The following FGF14 variants were observed in gnomAD, a reference collection of about 807,000 sequenced individuals.
FGF14 encodes fibroblast growth factor homologous factor 4.
In FGF14, 5 loss-of-function variants were observed where a neutral mutation model predicts 25.5. The observed-to-expected ratio is 0.20, with a 90% CI of 0.10 to 0.41. FGF14 has a LOEUF of 0.41. FGF14 is among the 10% of genes least tolerant of loss of function. FGF14 has a pLI of 1.00. For missense variants in FGF14, 222 were observed against 320.1 expected, an observed-to-expected ratio of 0.69 and a Z score of 2.34; for synonymous variants, 138 against 118.3, an observed-to-expected ratio of 1.17 and a Z score of -1.08.
rs566495170 is a variant in FGF14 at position 101,720,905 on chromosome 13, A to G, written c.*1926T>C. 11 of 152,310 alleles carry G rather than the reference A, an allele frequency of 7.2e-5. No individual in the cohort carries two copies. The highest frequency in any genetic ancestry group is 2.2e-4 in the African/African-American group (9 of 41,576). 9.4% of individuals were successfully genotyped at this position (152,310 alleles called of 1,614,324 possible). A position where few individuals can be genotyped will look rare whatever the true frequency, so the allele number is the denominator to read the frequency against. On this transcript the variant is annotated 3_prime_UTR_variant, in exon 5 of 5. Coordinates refer to ENST00000376143, the MANE Select transcript of FGF14 (RefSeq NM_004115.4). ...GTAGAATCCAATATGAAAATGAAAT[A>G]AGCATAAACAAACAGTTAAATTTCT...
intron 1 of FGF14, among the ~76,000 whole-genome samples, chr13:102,148,435 A>G (rs546787911): frequency 6.6e-6 from 1 of 152,294 alleles, no homozygotes; most frequent in Non-Finnish European, 1.5e-5. Context: ...TCATCACATC[A>G]TATAGAGTGA....
At chr13:102,249,877 T>C (rs1450667446) in intron 1 of FGF14, among the ~76,000 whole-genome samples, 2 of 152,098 alleles carry the variant, frequency 1.3e-5, no homozygotes, top group African/African-American at 2.4e-5. Context: ...TCATGAGAAA[T>C]CTCTCATGGA....
chr13:102,068,743 C>G (rs1460870868), intron 1 of FGF14, among the ~76,000 whole-genome samples: 2 of 152,218 alleles, frequency 1.3e-5, no homozygotes, highest in African/African-American at 2.4e-5. Flanking sequence ...GCCTGCCATG[C>G]CTGAGCCTCC....
At chr13:102,200,141 A>G (rs2049548764) in intron 1 of FGF14, among the ~76,000 whole-genome samples, 1 of 152,206 alleles carries the variant, frequency 6.6e-6, no homozygotes, top group Non-Finnish European at 1.5e-5. Context: ...GTGAACACAC[A>G]CACACATATA....
chr13:101,840,790 C>G (rs1393866104), intron 3 of FGF14, among the ~76,000 whole-genome samples: 3 of 151,902 alleles, frequency 2.0e-5, no homozygotes, highest in Non-Finnish European at 4.4e-5. Flanking sequence ...ACTATTCAAA[C>G]CTATTTATAT....
intron 3 of FGF14, among the ~76,000 whole-genome samples, chr13:101,824,336 C>T (rs116164870): frequency 0.014 from 2,089 of 152,128 alleles, 44 homozygotes; most frequent in African/African-American, 0.048. Flanking sequence ...TGTGTGTGCG[C>T]GCGTGCACGC....
chr13:101,874,585 A>G (rs562509393), intron 2 of FGF14, among the ~76,000 whole-genome samples: 1 of 152,160 alleles, frequency 6.6e-6, no homozygotes, highest in Non-Finnish European at 1.5e-5. Flanking sequence ...AAGAACACAG[A>G]CATTTATACA....
chr13:102,125,675 T>C (rs7339421), intron 1 of FGF14, among the ~76,000 whole-genome samples: 55,100 of 152,020 alleles, frequency 0.36, 11,047 homozygotes, highest in East Asian at 0.83. Flanking sequence ...GACAAAGAAG[T>C]AAGCACTTGA....
intron 1 of FGF14, among the ~76,000 whole-genome samples, chr13:101,893,720 C>G (rs187494185): frequency 6.6e-6 from 1 of 152,154 alleles, no homozygotes; most frequent in Non-Finnish European, 1.5e-5. Flanking sequence ...GAAATGGATT[C>G]TTTTCTACAG....
At chr13:101,830,772 C>A (rs2042632452) in intron 3 of FGF14, among the ~76,000 whole-genome samples, 2 of 152,226 alleles carry the variant, frequency 1.3e-5, no homozygotes, top group East Asian at 3.9e-4. Flanking sequence ...AAGGGTCTCA[C>A]TGGCTAAAAT....
At chr13:101,785,804 ATTAAG>A (rs1221645055) in intron 3 of FGF14, among the ~76,000 whole-genome samples, 1 of 152,114 alleles carries the variant, frequency 6.6e-6, no homozygotes, top group African/African-American at 2.4e-5. Flanking sequence ...TGTATTGAAG[ATTAAG>A]TTAATTTATA....
intron 1 of FGF14, among the ~76,000 whole-genome samples, chr13:102,179,787 AC>A (rs1352343018): frequency 6.6e-6 from 1 of 152,146 alleles, no homozygotes; most frequent in African/African-American, 2.4e-5. Flanking sequence ...CAAATATATA[AC>A]TAAAATTTGA....
intron 1 of FGF14, among the ~76,000 whole-genome samples, chr13:102,227,636 A>C (rs546814570): frequency 6.6e-6 from 1 of 152,206 alleles, no homozygotes; most frequent in African/African-American, 2.4e-5. Flanking sequence ...CTTCTAATGC[A>C]AAGTTTTACT....
intron 3 of FGF14, among the ~76,000 whole-genome samples, chr13:101,823,665 G>A (rs1189124229): frequency 2.0e-5 from 3 of 150,506 alleles, no homozygotes; most frequent in Admixed American, 1.3e-4. Context: ...TCGAACTCCC[G>A]ACCTGAGGTG....
rs2047575642 is a variant in FGF14 at position 102,160,548 on chromosome 13, A to G, written c.208+240923T>C. Among the ~76,000 whole-genome samples, 8 of 151,952 alleles carry G rather than the reference A, an allele frequency of 5.3e-5. No individual in the cohort carries two copies. The South Asian group carries it at 1.7e-3, about 32-fold the overall frequency. On this transcript the variant is annotated intron_variant, in intron 1 of 4. Transcript: ENST00000376131. ...TCTTAGCCTTATCTGATGTCCAACTAAAAAACAAGATATAATTTCCCCCTC... is the reference window on the plus strand; with the variant it reads ...TCTTAGCCTTATCTGATGTCCAACTGAAAAACAAGATATAATTTCCCCCTC...
chr13:102,000,898 T>C (rs1005410967), intron 1 of FGF14, among the ~76,000 whole-genome samples: 2 of 152,104 alleles, frequency 1.3e-5, no homozygotes, highest in African/African-American at 4.8e-5. Flanking sequence ...CAGCTGGAGA[T>C]GAGATGGAAA....
At chr13:102,318,140 T>A (rs1428391193) in intron 1 of FGF14, among the ~76,000 whole-genome samples, 1 of 152,152 alleles carries the variant, frequency 6.6e-6, no homozygotes, top group Non-Finnish European at 1.5e-5. Flanking sequence ...CCCAAGTATC[T>A]TGAAAGCTGA....
intron 1 of FGF14, among the ~76,000 whole-genome samples, chr13:102,335,475 C>A (rs962270979): frequency 6.6e-6 from 1 of 151,968 alleles, no homozygotes; most frequent in Non-Finnish European, 1.5e-5. Context: ...TTAGCAGACA[C>A]AACCCAAACC....
intron 1 of FGF14, among the ~76,000 whole-genome samples, chr13:102,341,488 C>G (rs548229410): frequency 6.6e-5 from 10 of 152,208 alleles, no homozygotes; most frequent in African/African-American, 2.2e-4. Flanking sequence ...ACATATAGTT[C>G]CTTCCCTGAA....
Sources: allele counts gnomAD v4.1 joint callset (sites outside exome capture counted in the v4.1 genomes callset), GRCh38; gene constraint gnomAD v4.1.1; transcripts MANE v1.5; gene names NCBI Gene and HGNC (gene_info 2026-07-23, HGNC 2026-07-21).